Variants in N4BP2L2 observed in about 807,000 individuals in gnomAD.
N4BP2L2 encodes NEDD4-binding protein 2-like 2.
Under a neutral mutation model 56.2 loss-of-function variants are expected in N4BP2L2, and 50 were observed. The observed-to-expected ratio is 0.89, with a 90% CI of 0.71 to 1.13. The LOEUF is 1.13. N4BP2L2 is among the 50% of genes most tolerant of loss of function. N4BP2L2 has a pLI of 0.00. For missense variants in N4BP2L2, 689 were observed against 693.8 expected (o/e 0.99, Z 0.08); for synonymous variants, 203 against 223.6 (o/e 0.91, Z 0.82).
intron 9 of N4BP2L2, among the ~76,000 whole-genome samples, chr13:32,434,088 G>A (rs544573868): frequency 6.6e-6 from 1 of 151,392 alleles, no homozygotes; most frequent in Admixed American, 6.6e-5. Flanking sequence ...GTTTTGTTTT[G>A]TTTGTAGAGA....
At chr13:32,515,483 T>G (rs2049005488) in exon 6 of N4BP2L2, 1 of 152,144 alleles carries the variant, frequency 6.6e-6, no homozygotes, top group African/African-American at 2.4e-5. Flanking sequence ...CCAGCCTCAG[T>G]AAGATTTATT....
At chr13:32,443,290 C>A in exon 7 of N4BP2L2, 1 of 1,613,954 alleles carries the variant, frequency 6.2e-7, no homozygotes. Context: ...AATCCATTGC[C>A]CCCTGCTGTC....
At chr13:32,444,333 T>C (rs572199809) in intron 6 of N4BP2L2, among the ~76,000 whole-genome samples, 2 of 152,308 alleles carry the variant, frequency 1.3e-5, no homozygotes, top group South Asian at 4.1e-4. Context: ...GGTGTGATCT[T>C]GGTTCACTGC....
chr13:32,495,640 G>A (rs986148000), intron 6 of N4BP2L2, among the ~76,000 whole-genome samples: 1 of 151,974 alleles, frequency 6.6e-6, no homozygotes, highest in Admixed American at 6.6e-5. Flanking sequence ...CTGGTACCCA[G>A]CAGGAGACAC....
intron 6 of N4BP2L2, chr13:32,477,208 G>C: frequency 2.3e-6 from 1 of 439,150 alleles, no homozygotes; most frequent in Non-Finnish European, 4.3e-6. Flanking sequence ...GTGGAGGAGA[G>C]GATGCCCTGG....
chr13:32,470,950 G>A (rs2082179006), intron 6 of N4BP2L2, among the ~76,000 whole-genome samples: 1 of 152,196 alleles, frequency 6.6e-6, no homozygotes. Context: ...GGGTGCTACT[G>A]CTGCCTGGAT....
At chr13:32,475,653 C>G (rs2083186256) in intron 6 of N4BP2L2, among the ~76,000 whole-genome samples, 1 of 152,068 alleles carries the variant, frequency 6.6e-6, no homozygotes, top group African/African-American at 2.4e-5. Flanking sequence ...GAAGATGGAG[C>G]CTCCATCTTG....
At chr13:32,463,547 CCAG>C in intron 6 of N4BP2L2, among the ~76,000 whole-genome samples, 1 of 151,868 alleles carries the variant, frequency 6.6e-6, no homozygotes, top group South Asian at 2.1e-4. Context: ...GCCTGTAATC[CCAG>C]CTACTTGGGA....
At chr13:32,528,037 T>C (rs2140185909) in intron 2 of N4BP2L2, among the ~76,000 whole-genome samples, 1 of 152,358 alleles carries the variant, frequency 6.6e-6, no homozygotes, top group African/African-American at 2.4e-5. Flanking sequence ...CCCAAAGTGC[T>C]GGGATTACAG....
chr13:32,444,984 C>A (rs2076820789), intron 6 of N4BP2L2, among the ~76,000 whole-genome samples: 1 of 152,174 alleles, frequency 6.6e-6, no homozygotes, highest in Non-Finnish European at 1.5e-5. Flanking sequence ...CATGGTGGCT[C>A]ACGCCTGTAA....
At chr13:32,463,548 C>A (rs1186438152) in intron 6 of N4BP2L2, among the ~76,000 whole-genome samples, 2 of 151,702 alleles carry the variant, frequency 1.3e-5, no homozygotes, top group African/African-American at 4.8e-5. Flanking sequence ...CCTGTAATCC[C>A]AGCTACTTGG....
rs369024476 is a variant in N4BP2L2, at chr13:32,440,497, T to C, written c.2105-1760A>G. On this transcript the variant is annotated intron_variant, in intron 7 of 9. Coordinates refer to the N4BP2L2 transcript ENST00000357505. ...CAAAATTTTTTTTTTGAAAGAGTCT[T>C]ACTCTATCACCCAGGCTGGAGTGCA... Among the ~76,000 whole-genome samples, 12 of 152,316 alleles carry C rather than the reference T, an allele frequency of 7.9e-5. 1 individual carries two copies. The South Asian group carries it at 2.5e-3, about 32-fold the overall frequency.
chr13:32,472,803 G>C (rs1394953697), intron 6 of N4BP2L2, among the ~76,000 whole-genome samples: 1 of 152,088 alleles, frequency 6.6e-6, no homozygotes, highest in Admixed American at 6.6e-5. Context: ...CCTCCTGCTA[G>C]AACTGCCTTT....
exon 6 of N4BP2L2, chr13:32,512,526 G>GT (rs1380696595): frequency 6.6e-6 from 1 of 152,152 alleles, no homozygotes; most frequent in Non-Finnish European, 1.5e-5. Context: ...ATGTAACAGG[G>GT]TTATTTTTCA....
At chr13:32,443,514 A>T (rs1490754950) in exon 7 of N4BP2L2, 3 of 1,611,542 alleles carry the variant, frequency 1.9e-6, no homozygotes, top group Non-Finnish European at 2.5e-6. Context: ...TTCTGATTCC[A>T]TGTTGATGGC....
chr13:32,493,983 T>G (rs934723363), intron 6 of N4BP2L2, among the ~76,000 whole-genome samples: 3 of 152,082 alleles, frequency 2.0e-5, no homozygotes, highest in Non-Finnish European at 4.4e-5. Flanking sequence ...CTATAAAATG[T>G]GAGATTTGGC....
chr13:32,437,809 C>G (rs1198099242), intron 8 of N4BP2L2, among the ~76,000 whole-genome samples: 2 of 152,156 alleles, frequency 1.3e-5, no homozygotes, highest in Non-Finnish European at 2.9e-5. Context: ...CCAGTGAGTC[C>G]TTATACCTGT....
exon 2 of N4BP2L2, chr13:32,536,114 A>G (rs1165162406): frequency 1.2e-6 from 2 of 1,613,982 alleles, no homozygotes; most frequent in East Asian, 2.2e-5. Flanking sequence ...TTGGGCTTGG[A>G]AAATATTTGA....
intron 4 of N4BP2L2, chr13:32,521,747 C>G: frequency 3.5e-6 from 1 of 286,310 alleles, no homozygotes; most frequent in Non-Finnish European, 6.4e-6. Flanking sequence ...AGGCTGAGCA[C>G]GGCAGATGGG....
Sources: gnomAD v4.1 joint callset for allele counts (sites outside exome capture counted in the v4.1 genomes callset) on GRCh38, gnomAD v4.1.1 for gene constraint, MANE v1.5 for transcripts, NCBI Gene and HGNC (gene_info 2026-07-23, HGNC 2026-07-21) for gene names.